Variants in PHTF2 observed in about 807,000 individuals in gnomAD.
PHTF2 encodes the protein protein PHTF2.
PHTF2 carries 60 observed loss-of-function variants against 101.2 expected under a neutral mutation model. The ratio of observed to expected loss-of-function variants is 0.59; its 90% confidence interval spans 0.48 to 0.73. The LOEUF (loss-of-function observed/expected upper bound fraction) is 0.73. PHTF2 is among the 30% of genes least tolerant of loss of function. The probability of loss-of-function intolerance (pLI) is 0.00; values close to 1 mark genes in which losing one functional copy is unlikely to be tolerated. For synonymous variants in PHTF2, 311 were observed against 307.3 expected (o/e 1.01, Z -0.13); for missense variants, 747 against 908.7 (o/e 0.82, Z 2.29).
At chr7:77,872,632 GCACTTCC>G (rs1187638197) in intron 3 of PHTF2, among the ~76,000 whole-genome samples, 1 of 152,156 alleles carries the variant, frequency 6.6e-6, no homozygotes, top group Non-Finnish European at 1.5e-5. Flanking sequence ...TTGAGTGACT[GCACTTCC>G]CACTGTTAGA....
intron 19 of PHTF2, among the ~76,000 whole-genome samples, chr7:77,954,345 G>A (rs1175302928): frequency 6.6e-6 from 1 of 151,988 alleles, no homozygotes; most frequent in Non-Finnish European, 1.5e-5. Flanking sequence ...TGTTAGCCAG[G>A]CTGGTCTCGA....
intron 1 of PHTF2, among the ~76,000 whole-genome samples, chr7:77,799,318 C>T (rs983445576): frequency 6.6e-6 from 1 of 152,240 alleles, no homozygotes; most frequent in Non-Finnish European, 1.5e-5. Flanking sequence ...CCTTTGCTTC[C>T]TTCCCTTGGC....
At chr7:77,935,457 C>T (rs1805036885) in intron 12 of PHTF2, among the ~76,000 whole-genome samples, 1 of 152,058 alleles carries the variant, frequency 6.6e-6, no homozygotes, top group South Asian at 2.1e-4. Context: ...TATCTCCTGA[C>T]CTCGTGATCC....
chr7:77,937,204 A>G (rs1805223463), intron 12 of PHTF2, among the ~76,000 whole-genome samples: 1 of 152,222 alleles, frequency 6.6e-6, no homozygotes, highest in South Asian at 2.1e-4. Context: ...TAAGACTAGC[A>G]CTATATGGTC....
At chr7:77,943,740 G>A (rs577716142) in intron 16 of PHTF2, among the ~76,000 whole-genome samples, 28 of 152,202 alleles carry the variant, frequency 1.8e-4, no homozygotes, top group African/African-American at 6.3e-4. Context: ...CAAACAGGCC[G>A]GGCACAGTGG....
intron 3 of PHTF2, among the ~76,000 whole-genome samples, chr7:77,872,825 A>G (rs1055140678): frequency 5.3e-5 from 8 of 152,198 alleles, no homozygotes; most frequent in Admixed American, 6.5e-5. Flanking sequence ...CTAAGCCTTT[A>G]GATCCCTTCC....
At chr7:77,852,390 G>A (rs1796835250) in intron 2 of PHTF2, among the ~76,000 whole-genome samples, 1 of 152,242 alleles carries the variant, frequency 6.6e-6, no homozygotes, top group Non-Finnish European at 1.5e-5. Flanking sequence ...TAGGTTTTTT[G>A]ATTTGAGGTT....
intron 2 of PHTF2, among the ~76,000 whole-genome samples, chr7:77,842,748 G>C (rs1394823989): frequency 6.6e-6 from 1 of 152,076 alleles, no homozygotes; most frequent in Non-Finnish European, 1.5e-5. Context: ...ACAAAATGTC[G>C]TACAACATTC....
At chr7:77,866,270 A>C (rs1055244009) in intron 3 of PHTF2, among the ~76,000 whole-genome samples, 2 of 152,154 alleles carry the variant, frequency 1.3e-5, no homozygotes, top group Non-Finnish European at 2.9e-5. Context: ...GATGTTAATA[A>C]GTATTAGGAG....
At chr7:77,924,010 A>G in intron 11 of PHTF2, 1 of 890,070 alleles carries the variant, frequency 1.1e-6, no homozygotes, top group Non-Finnish European at 1.3e-6. Flanking sequence ...AATTACATAA[A>G]TATAAAATAT....
intron 18 of PHTF2, among the ~76,000 whole-genome samples, chr7:77,952,393 A>T (rs1199315764): frequency 6.6e-6 from 1 of 152,172 alleles, no homozygotes; most frequent in Non-Finnish European, 1.5e-5. Flanking sequence ...TCAGTCAACT[A>T]AACAGTGTGA....
chr7:77,922,157 G>C (rs1466147729), intron 10 of PHTF2, among the ~76,000 whole-genome samples: 2 of 150,748 alleles, frequency 1.3e-5, no homozygotes, highest in African/African-American at 4.9e-5. Flanking sequence ...TGAATAGCTA[G>C]GAGTACAGGT....
chr7:77,899,031 G>A (rs1010332814), intron 5 of PHTF2, among the ~76,000 whole-genome samples: 18 of 151,986 alleles, frequency 1.2e-4, no homozygotes, highest in Non-Finnish European at 2.1e-4. Flanking sequence ...CAAACTCCTG[G>A]CCTCAAGTGA....
At chr7:77,876,050 G>A (rs1798917277) in intron 3 of PHTF2, among the ~76,000 whole-genome samples, 1 of 152,174 alleles carries the variant, frequency 6.6e-6, no homozygotes, top group Non-Finnish European at 1.5e-5. Context: ...GTGTGCCTGA[G>A]CTAGAATTCA....
chr7:77,907,843 T>C (rs1475628201), intron 7 of PHTF2: 1 of 152,206 alleles, frequency 6.6e-6, no homozygotes. Flanking sequence ...AATATTTACA[T>C]TTTATTTTAG....
chr7:77,937,657 TTTTA>T (rs1805263274), intron 12 of PHTF2, 49 bp from the exon 12 acceptor site: 3 of 676,826 alleles, frequency 4.4e-6, no homozygotes, highest in South Asian at 3.9e-5. Flanking sequence ...TATACACACA[TTTTA>T]TTTATTAAAT....
intron 1 of PHTF2, among the ~76,000 whole-genome samples, chr7:77,804,263 A>G (rs1222463476): frequency 6.6e-6 from 1 of 152,138 alleles, no homozygotes; most frequent in Non-Finnish European, 1.5e-5. Context: ...TGAAAAATAA[A>G]CCTATCTTCT....
intron 1 of PHTF2, among the ~76,000 whole-genome samples, chr7:77,826,106 A>G (rs1794679427): frequency 6.6e-6 from 1 of 152,196 alleles, no homozygotes; most frequent in Non-Finnish European, 1.5e-5. Flanking sequence ...TTATTTTGGT[A>G]TCCTGGCCAA....
At chr7:77,926,025 A>G (rs1803966718) in intron 11 of PHTF2, among the ~76,000 whole-genome samples, 1 of 151,930 alleles carries the variant, frequency 6.6e-6, no homozygotes, top group African/African-American at 2.4e-5. Flanking sequence ...CACTGCATCC[A>G]GCGTGGTGAC....
Sources: gnomAD v4.1 joint callset for allele counts (sites outside exome capture counted in the v4.1 genomes callset) on GRCh38, gnomAD v4.1.1 for gene constraint, MANE v1.5 for transcripts, NCBI Gene and HGNC (gene_info 2026-07-23, HGNC 2026-07-21) for gene names.